ANKS1B: variants seen among roughly 807,000 people sequenced by gnomAD.
The protein encoded by ANKS1B is ankyrin repeat and sterile alpha motif domain-containing protein 1B.
Under a neutral mutation model 148.3 loss-of-function variants are expected in ANKS1B, and 36 were observed. The ratio of observed to expected loss-of-function variants is 0.24; its 90% CI spans 0.19 to 0.32. ANKS1B has a LOEUF of 0.32. Ranked by LOEUF, ANKS1B falls within the 10% of genes least tolerant of loss-of-function variation. The probability of loss-of-function intolerance (pLI) is 1.00; values close to 1 mark genes in which losing one functional copy is unlikely to be tolerated. For synonymous variants in ANKS1B, 542 were observed against 560.8 expected (o/e 0.97, Z 0.47); for missense variants, 1,157 against 1,542.6 (o/e 0.75, Z 4.19).
chr12:99,280,225 A>T (rs1203679254), intron 12 of ANKS1B, among the ~76,000 whole-genome samples: 1 of 151,820 alleles, frequency 6.6e-6, no homozygotes, highest in Non-Finnish European at 1.5e-5. Context: ...AGAAAGAGAA[A>T]GAGAGATTGT....
chr12:99,145,266 T>C (rs2072629001), intron 15 of ANKS1B, among the ~76,000 whole-genome samples: 1 of 152,034 alleles, frequency 6.6e-6, no homozygotes, highest in South Asian at 2.1e-4. Flanking sequence ...GCAAGAGTTC[T>C]GGGCAGAAAA....
At chr12:99,181,877 C>G (rs1489028529) in intron 14 of ANKS1B, among the ~76,000 whole-genome samples, 1 of 151,946 alleles carries the variant, frequency 6.6e-6, no homozygotes, top group East Asian at 1.9e-4. Flanking sequence ...GATAGTTACC[C>G]TGTTGTACTA....
intron 12 of ANKS1B, among the ~76,000 whole-genome samples, chr12:99,360,541 C>T (rs1277931171): frequency 6.6e-6 from 1 of 152,076 alleles, no homozygotes; most frequent in Non-Finnish European, 1.5e-5. Flanking sequence ...CTGTGATTTG[C>T]TTTGACTTAT....
intron 8 of ANKS1B, among the ~76,000 whole-genome samples, chr12:99,766,311 A>G (rs1644962853): frequency 6.6e-6 from 1 of 152,182 alleles, no homozygotes; most frequent in South Asian, 2.1e-4. Flanking sequence ...ATATACACCT[A>G]CAAGGCAAGG....
intron 14 of ANKS1B, among the ~76,000 whole-genome samples, chr12:99,217,003 T>C (rs1158477701): frequency 6.6e-6 from 1 of 152,070 alleles, no homozygotes; most frequent in Non-Finnish European, 1.5e-5. Flanking sequence ...TTTTATTGGG[T>C]CAAAGATGGA....
chr12:98,842,753 T>C (rs192686548), intron 17 of ANKS1B, among the ~76,000 whole-genome samples: 7 of 152,302 alleles, frequency 4.6e-5, no homozygotes, highest in East Asian at 1.9e-4. Context: ...GAGCAACATA[T>C]ACACTGCAGG....
At chr12:99,176,992 A>G (rs2078479363) in intron 14 of ANKS1B, among the ~76,000 whole-genome samples, 1 of 152,138 alleles carries the variant, frequency 6.6e-6, no homozygotes, top group Non-Finnish European at 1.5e-5. Flanking sequence ...CTGAATGCAT[A>G]TTTTCTGCAT....
intron 1 of ANKS1B, among the ~76,000 whole-genome samples, chr12:99,904,824 C>G (rs2093723758): frequency 6.6e-6 from 1 of 152,176 alleles, no homozygotes; most frequent in African/African-American, 2.4e-5. Flanking sequence ...AGTTGGATCA[C>G]TTACTAAATC....
intron 12 of ANKS1B, among the ~76,000 whole-genome samples, chr12:99,272,003 G>A (rs530145836): frequency 6.6e-6 from 1 of 151,980 alleles, no homozygotes; most frequent in Admixed American, 6.5e-5. Context: ...TCTGTTTTTT[G>A]TCTTTCAGTT....
chr12:99,829,054 C>T (rs941321648), intron 1 of ANKS1B, among the ~76,000 whole-genome samples: 2 of 151,894 alleles, frequency 1.3e-5, no homozygotes, highest in African/African-American at 2.4e-5. Flanking sequence ...AAGATATAGA[C>T]AAATAGAAGG....
Position 99,125,736 on chromosome 12 carries a change from T to C in ANKS1B, c.2526+28553A>G, listed in dbSNP as rs2064136572. Among the ~76,000 whole-genome samples the C allele has an allele frequency of 1.3e-5, 2 of 152,158 alleles. 1 individual carries two copies. Among genetic ancestry groups the C allele is most frequent in the Admixed American group, 1.3e-4 (2 of 15,276 alleles). ...ACTCCTAGGTTTCCCATATTTAGTTTTATCCTGGAAGCGAGGATGCTGATA... is the reference window on the plus strand; with the variant it reads ...ACTCCTAGGTTTCCCATATTTAGTTCTATCCTGGAAGCGAGGATGCTGATA... On this transcript the variant is annotated intron_variant, in intron 15 of 26. Coordinates refer to ENST00000683438, the MANE Select transcript of ANKS1B (RefSeq NM_001352186.2).
chr12:99,293,633 A>G (rs2080383233), intron 12 of ANKS1B, among the ~76,000 whole-genome samples: 1 of 152,148 alleles, frequency 6.6e-6, no homozygotes, highest in Admixed American at 6.5e-5. Flanking sequence ...CTTGAGTAAT[A>G]TCCCATGTGC....
intron 1 of ANKS1B, among the ~76,000 whole-genome samples, chr12:99,968,178 G>A (rs980903478): frequency 6.6e-6 from 1 of 152,170 alleles, no homozygotes; most frequent in Non-Finnish European, 1.5e-5. Context: ...CCTAACACTA[G>A]AGTTGACAAA....
intron 1 of ANKS1B, among the ~76,000 whole-genome samples, chr12:99,858,423 G>T (rs1418150913): frequency 3.3e-5 from 5 of 152,170 alleles, no homozygotes; most frequent in Non-Finnish European, 7.4e-5. Flanking sequence ...TACACTGTTG[G>T]TGGGAATGTA....
chr12:99,390,877 T>G (rs978199499), intron 12 of ANKS1B, among the ~76,000 whole-genome samples: 3 of 152,168 alleles, frequency 2.0e-5, no homozygotes, highest in Non-Finnish European at 2.9e-5. Context: ...CTGCAGAGGC[T>G]AGGAAAGACA....
intron 1 of ANKS1B, among the ~76,000 whole-genome samples, chr12:99,978,111 T>C (rs1603584867): frequency 6.6e-6 from 1 of 152,246 alleles, no homozygotes; most frequent in East Asian, 1.9e-4. Flanking sequence ...AGTATATAAC[T>C]GAACTAATCA....
At chr12:99,617,254 AC>A (rs1218420048) in intron 9 of ANKS1B, among the ~76,000 whole-genome samples, 1 of 152,184 alleles carries the variant, frequency 6.6e-6, no homozygotes, top group African/African-American at 2.4e-5. Context: ...ATGATATAAA[AC>A]CAGAAATACC....
intron 14 of ANKS1B, among the ~76,000 whole-genome samples, chr12:99,233,111 T>C (rs1282054409): frequency 2.0e-5 from 3 of 152,058 alleles, no homozygotes; most frequent in African/African-American, 7.2e-5. Context: ...GTATAGAAGG[T>C]GTATATAAAT....
chr12:99,697,581 GGATAAA>G (rs2054125961), intron 8 of ANKS1B, among the ~76,000 whole-genome samples: 1 of 152,066 alleles, frequency 6.6e-6, no homozygotes, highest in Admixed American at 6.6e-5. Context: ...AAGTTCTGGG[GGATAAA>G]GCAAGGGATG....
Sources: gnomAD v4.1 joint callset for allele counts (sites outside exome capture counted in the v4.1 genomes callset) on GRCh38, gnomAD v4.1.1 for gene constraint, MANE v1.5 for transcripts, NCBI Gene and HGNC (gene_info 2026-07-23, HGNC 2026-07-21) for gene names.